ZNF710: variants seen among roughly 807,000 people sequenced by gnomAD.
ZNF710 encodes zinc finger protein 710.
In ZNF710, 13 loss-of-function variants were observed where a neutral mutation model predicts 50.6. That is an observed-to-expected ratio of 0.26 (90% confidence interval 0.17 to 0.41). ZNF710 has a LOEUF of 0.41. ZNF710 is among the 10% of genes least tolerant of loss of function. ZNF710 has a pLI of 1.00. For missense variants in ZNF710, 721 were observed against 936.6 expected (o/e 0.77, Z 3.01); for synonymous variants, 383 against 397.0 (o/e 0.96, Z 0.42).
intron 1 of ZNF710, among the ~76,000 whole-genome samples, chr15:90,052,212 C>T (rs1199548804): frequency 2.6e-5 from 4 of 152,132 alleles, no homozygotes; most frequent in Non-Finnish European, 4.4e-5. Flanking sequence ...CTCGAGGGCT[C>T]CTGAAGACCT....
At chr15:90,078,199 G>A (rs1202750206) in intron 4 of ZNF710, among the ~76,000 whole-genome samples, 12 of 128,432 alleles carry the variant, frequency 9.3e-5, no homozygotes, top group African/African-American at 1.4e-4. Context: ...CAACAAGAGC[G>A]AAACTCGGTC....
rs972021848 is a variant in ZNF710 at position 90,062,306 on chromosome 15, G to A, written c.-28-4804G>A. Among the ~76,000 whole-genome samples the A allele has an allele frequency of 4.0e-5, 6 of 151,682 alleles. No individual in the cohort carries two copies. Among genetic ancestry groups the A allele is most frequent in the Admixed American group, 1.3e-4 (2 of 15,250 alleles). ...GCAGCTCATCTGTGTCTATTTCCCCGCCTTTCACATTGACTTTCTCCCCAC... is the reference window on the plus strand; with the variant it reads ...GCAGCTCATCTGTGTCTATTTCCCCACCTTTCACATTGACTTTCTCCCCAC... On this transcript the variant is annotated intron_variant, in intron 1 of 4. Coordinates refer to ENST00000268154, the MANE Select transcript of ZNF710 (RefSeq NM_198526.4). The surrounding 1 kb of genome is among the most constrained non-coding windows in gnomAD (Gnocchi z 5.6).
At chr15:90,072,641 C>T (rs1900428485) in intron 2 of ZNF710, among the ~76,000 whole-genome samples, 1 of 152,126 alleles carries the variant, frequency 6.6e-6, no homozygotes, top group Admixed American at 6.5e-5. Context: ...CCACAGACAG[C>T]GGGCAGACCC....
chr15:90,077,949 T>A (rs1347759678), intron 4 of ZNF710, among the ~76,000 whole-genome samples: 2 of 151,882 alleles, frequency 1.3e-5, no homozygotes, highest in African/African-American at 4.8e-5. Context: ...GGCTCACGCC[T>A]GTAATCCCAG....
chr15:90,026,435 T>G (rs1898783447), intron 1 of ZNF710, among the ~76,000 whole-genome samples: 1 of 152,176 alleles, frequency 6.6e-6, no homozygotes, highest in Admixed American at 6.5e-5. Flanking sequence ...TTTTCAATCC[T>G]TATCGAAGCA....
At chr15:90,008,465 T>TAC (rs1898212297) in intron 1 of ZNF710, among the ~76,000 whole-genome samples, 3 of 137,264 alleles carry the variant, frequency 2.2e-5, no homozygotes, top group African/African-American at 9.7e-5. Flanking sequence ...TATATATATA[T>TAC]ACATGAAGTA....
intron 1 of ZNF710, among the ~76,000 whole-genome samples, chr15:90,019,187 C>CTTTTTTTTTTTTTTTTTTTTTTTTTT (rs11285838): frequency 2.2e-5 from 2 of 89,388 alleles, no homozygotes; most frequent in Admixed American, 1.4e-4. Context: ...CTTTTTCTTT[C>CTTTTTTTTTTTTTTTTTTTTTTTTTT]TTTTTTTTTT....
chr15:90,042,618 A>G (rs1286716924), intron 1 of ZNF710, among the ~76,000 whole-genome samples: 1 of 152,142 alleles, frequency 6.6e-6, no homozygotes, highest in Admixed American at 6.5e-5. Context: ...AGGTGACCCC[A>G]TTTCAGGTTT....
At chr15:90,071,369 A>T (rs1900377483) in intron 2 of ZNF710, among the ~76,000 whole-genome samples, 1 of 152,152 alleles carries the variant, frequency 6.6e-6, no homozygotes, top group African/African-American at 2.4e-5. Flanking sequence ...TTATCAGCCT[A>T]AATTTGTACA....
At position 90,067,481 on chromosome 15, in the gene ZNF710, A is replaced by G; in HGVS notation, c.344A>G (p.Glu115Gly). ...LVPKVKFEKV[E>G]EEEQEVYEVS... ...CCCAAGGTCAAGTTCGAGAAGGTGGAGGAGGAGGAACAGGAGGTCTATGAG... is the reference window on the plus strand; with the variant it reads ...CCCAAGGTCAAGTTCGAGAAGGTGGGGGAGGAGGAACAGGAGGTCTATGAG... Residue 115 changes from glutamate (E) to glycine (G), a missense_variant, in exon 2 of 5, where the codon GAG becomes GGG. Glu to Gly is a moderately conservative substitution (Grantham distance 98). This residue lies in a region of ZNF710 where 326 missense variants were observed against 347.1 expected (regional missense o/e 0.94). Transcript: ENST00000268154. The surrounding 1 kb of genome is among the most constrained non-coding windows in gnomAD (Gnocchi z 8.1). The G allele has an allele frequency of 6.2e-7, 1 of 1,613,208 alleles. No individual in the cohort carries two copies. Among genetic ancestry groups the G allele is most frequent in the Non-Finnish European group, 8.5e-7 (1 of 1,179,548 alleles).
intron 1 of ZNF710, among the ~76,000 whole-genome samples, chr15:90,036,355 T>G (rs1358031427): frequency 1.3e-5 from 2 of 151,996 alleles, no homozygotes; most frequent in Non-Finnish European, 2.9e-5. Flanking sequence ...CTGTTCGATT[T>G]TAATGTTCCT....
intron 2 of ZNF710, 149 bp from the exon 3 acceptor site, chr15:90,072,922 C>G: frequency 1.3e-6 from 1 of 783,730 alleles, no homozygotes; most frequent in East Asian, 2.7e-5. Context: ...CAAGTGTTAC[C>G]TATTTTGGAA....
Position 90,068,652 on chromosome 15 carries a change from C to T in ZNF710, c.1458+57C>T. 1 of 1,527,480 alleles carries T rather than the reference C, an allele frequency of 6.5e-7. No homozygotes were observed. The highest frequency in any genetic ancestry group is 8.8e-7 in the Non-Finnish European group (1 of 1,139,672). 94.6% of individuals were successfully genotyped at this position (1,527,480 alleles called of 1,614,324 possible). A position where few individuals can be genotyped will look rare whatever the true frequency, so the allele number is the denominator to read the frequency against. On this transcript the variant is annotated intron_variant, in intron 2 of 4. Transcript: ENST00000268154. The surrounding 1 kb of genome is among the most constrained non-coding windows in gnomAD (Gnocchi z 5.0). ...CTGCCCCTCCTGCCACTTTTTCATC[C>T]AGTACTTTCCAAAGTCCCAGATGGG... is the stretch of plus-strand genomic sequence containing the variant.
chr15:90,048,211 T>G (rs1358261644), intron 1 of ZNF710, among the ~76,000 whole-genome samples: 1 of 152,230 alleles, frequency 6.6e-6, no homozygotes, highest in Non-Finnish European at 1.5e-5. Context: ...ATCCCATGAC[T>G]TCATGCCTGG....
chr15:89,999,646 C>G (rs927336175), upstream of ZNF710, among the ~76,000 whole-genome samples: 3 of 151,974 alleles, frequency 2.0e-5, no homozygotes, highest in Non-Finnish European at 2.9e-5. Flanking sequence ...TAGCTCAGAG[C>G]ACCAGGAGCT....
chr15:90,041,243 C>G (rs1176722363), intron 1 of ZNF710, among the ~76,000 whole-genome samples: 1 of 152,010 alleles, frequency 6.6e-6, no homozygotes, highest in Non-Finnish European at 1.5e-5. Flanking sequence ...ACTCTGTCAC[C>G]CAAGCTAGAA....
chr15:90,009,923 C>G (rs764594499), intron 1 of ZNF710, among the ~76,000 whole-genome samples: 31 of 152,116 alleles, frequency 2.0e-4, no homozygotes, highest in Non-Finnish European at 4.0e-4. Flanking sequence ...TACCTGACTG[C>G]CCGGTGGCCC....
chr15:90,012,560 A>G (rs1177020729), intron 1 of ZNF710, among the ~76,000 whole-genome samples: 1 of 151,986 alleles, frequency 6.6e-6, no homozygotes, highest in Non-Finnish European at 1.5e-5. Flanking sequence ...GTGAGCCTCC[A>G]TGCCTGGCCA....
rs1399898572 is a variant in ZNF710, at chr15:90,078,372, C to T, written c.1826-1288C>T. Among the ~76,000 whole-genome samples the T allele has an allele frequency of 2.0e-5, 3 of 152,292 alleles. No homozygotes were observed. In the East Asian group the frequency reaches 5.8e-4, roughly 29 times the overall value. Reference sequence around the variant, plus strand: ...ATGGTCACAAGATGGCTGCCAGTGGCCGTCAGGGTGTGTGCTTCCTTGTTC... The same window carrying T: ...ATGGTCACAAGATGGCTGCCAGTGGTCGTCAGGGTGTGTGCTTCCTTGTTC... On this transcript the variant is annotated intron_variant, in intron 4 of 4. Transcript: ENST00000268154.
Sources: gnomAD v4.1 joint callset for allele counts (sites outside exome capture counted in the v4.1 genomes callset) on GRCh38, gnomAD v4.1.1 for gene constraint, gnomAD v4.1.1 regional missense constraint, Gnocchi (gnomAD v3.1) non-coding constraint, MANE v1.5 for transcripts, NCBI Gene and HGNC (gene_info 2026-07-23, HGNC 2026-07-21) for gene names.